The following CHCHD3 variants were observed in gnomAD, a reference collection of about 807,000 sequenced individuals.
CHCHD3 encodes MICOS complex subunit MIC19.
Under a neutral mutation model 38.2 loss-of-function variants are expected in CHCHD3, and 20 were observed. The observed-to-expected ratio is 0.52, with a 90% CI of 0.37 to 0.76. CHCHD3 has a LOEUF of 0.76. Ranked by LOEUF, CHCHD3 falls within the 30% of genes least tolerant of loss-of-function variation. CHCHD3 has a pLI of 0.00. For missense variants in CHCHD3, 245 were observed against 279.2 expected, an observed-to-expected ratio of 0.88 and a Z score of 0.87; for synonymous variants, 82 against 100.0, an observed-to-expected ratio of 0.82 and a Z score of 1.07.
At chr7:132,896,191 A>G (rs1479443986) in intron 4 of CHCHD3, among the ~76,000 whole-genome samples, 1 of 152,218 alleles carries the variant, frequency 6.6e-6, no homozygotes. Flanking sequence ...AATATATAAA[A>G]TATGTACAAA....
intron 3 of CHCHD3, among the ~76,000 whole-genome samples, chr7:132,985,793 C>A: frequency 9.8e-6 from 1 of 102,556 alleles, no homozygotes; most frequent in Non-Finnish European, 2.1e-5. Flanking sequence ...GGGGTCAGCC[C>A]CCCGCCCGGC....
chr7:133,026,574 G>T (rs556158284), intron 2 of CHCHD3, among the ~76,000 whole-genome samples: 1 of 152,154 alleles, frequency 6.6e-6, no homozygotes, highest in African/African-American at 2.4e-5. Context: ...ACTCATACAT[G>T]AGTATTTACA....
intron 2 of CHCHD3, among the ~76,000 whole-genome samples, chr7:133,065,832 T>C (rs551637866): frequency 8.5e-5 from 13 of 152,358 alleles, no homozygotes; most frequent in African/African-American, 3.1e-4. Context: ...CATAGTTGAA[T>C]TGCATTCTTA....
At chr7:132,815,671 ATGAAAAT>A (rs1330429160) in intron 6 of CHCHD3, 1 of 449,302 alleles carries the variant, frequency 2.2e-6, no homozygotes, top group South Asian at 1.6e-5. Context: ...GAGAAAAGAT[ATGAAAAT>A]TGCATTATAC....
intron 4 of CHCHD3, among the ~76,000 whole-genome samples, chr7:132,961,690 AGAAC>A (rs1811325607): frequency 6.6e-6 from 1 of 152,232 alleles, no homozygotes; most frequent in Non-Finnish European, 1.5e-5. Flanking sequence ...AAAATACTGT[AGAAC>A]TATAGTTACA....
chr7:132,805,944 C>T (rs920851559), intron 6 of CHCHD3, among the ~76,000 whole-genome samples: 11 of 152,318 alleles, frequency 7.2e-5, no homozygotes, highest in Admixed American at 3.9e-4. Flanking sequence ...CTCCTCACCA[C>T]GATCTAAAGC....
At chr7:132,902,331 G>A (rs1809689935) in intron 4 of CHCHD3, among the ~76,000 whole-genome samples, 1 of 152,160 alleles carries the variant, frequency 6.6e-6, no homozygotes, top group African/African-American at 2.4e-5. Flanking sequence ...TATACCCAAA[G>A]GATTATAAGT....
intron 6 of CHCHD3, among the ~76,000 whole-genome samples, chr7:132,834,610 T>G (rs1807731024): frequency 6.6e-6 from 1 of 152,178 alleles, no homozygotes; most frequent in Non-Finnish European, 1.5e-5. Flanking sequence ...CAGAACTCAC[T>G]GTAAGCTGTT....
chr7:132,970,523 G>A (rs1811587520), intron 4 of CHCHD3, among the ~76,000 whole-genome samples: 1 of 152,216 alleles, frequency 6.6e-6, no homozygotes. Context: ...ATCCTCACAA[G>A]ACTATAAGTA....
chr7:132,807,320 G>A (rs1806948314), intron 6 of CHCHD3, among the ~76,000 whole-genome samples: 1 of 152,086 alleles, frequency 6.6e-6, no homozygotes, highest in African/African-American at 2.4e-5. Flanking sequence ...TTCCACTACA[G>A]CATCTAATTT....
intron 3 of CHCHD3, among the ~76,000 whole-genome samples, chr7:132,991,744 T>TA (rs1199312560): frequency 6.6e-6 from 1 of 152,100 alleles, no homozygotes; most frequent in Admixed American, 6.6e-5. Flanking sequence ...ATAAAACTCT[T>TA]AGTTTTTTTT....
intron 5 of CHCHD3, among the ~76,000 whole-genome samples, chr7:132,882,107 G>A (rs1451961251): frequency 6.6e-6 from 1 of 152,120 alleles, no homozygotes; most frequent in Non-Finnish European, 1.5e-5. Flanking sequence ...GGCAACAGCT[G>A]ATATTTGTTA....
chr7:132,833,090 T>C (rs1807689740), intron 6 of CHCHD3, among the ~76,000 whole-genome samples: 2 of 152,332 alleles, frequency 1.3e-5, no homozygotes, highest in Middle Eastern at 3.4e-3. Flanking sequence ...ACATGTAACA[T>C]TATTAAAATA....
chr7:132,969,275 A>C (rs1811552330), intron 4 of CHCHD3, among the ~76,000 whole-genome samples: 1 of 152,036 alleles, frequency 6.6e-6, no homozygotes, highest in Non-Finnish European at 1.5e-5. Context: ...TTAACTTCAG[A>C]CTCTGAAGAA....
At chr7:132,791,679 AG>A (rs1806464025) in intron 7 of CHCHD3, among the ~76,000 whole-genome samples, 1 of 152,230 alleles carries the variant, frequency 6.6e-6, no homozygotes, top group African/African-American at 2.4e-5. Flanking sequence ...ATTGTCCTTC[AG>A]AAGGCGGACA....
intron 4 of CHCHD3, among the ~76,000 whole-genome samples, chr7:132,940,566 T>C (rs1326644173): frequency 1.3e-5 from 2 of 152,184 alleles, no homozygotes; most frequent in Non-Finnish European, 2.9e-5. Flanking sequence ...ATGGCCGTCC[T>C]TAGGAATATT....
At chr7:132,927,799 T>C (rs1039842411) in intron 4 of CHCHD3, among the ~76,000 whole-genome samples, 13 of 152,160 alleles carry the variant, frequency 8.5e-5, no homozygotes, top group Admixed American at 8.5e-4. Context: ...AAACTAACCT[T>C]ACAGAAAACA....
chr7:133,016,855 G>C (rs1388409731), intron 3 of CHCHD3, among the ~76,000 whole-genome samples: 1 of 152,210 alleles, frequency 6.6e-6, no homozygotes, highest in African/African-American at 2.4e-5. Context: ...CTAAGAAACA[G>C]CCAGGGCTAG....
intron 4 of CHCHD3, among the ~76,000 whole-genome samples, chr7:132,911,269 T>TAGCCATG (rs1809941755): frequency 6.6e-6 from 1 of 152,090 alleles, no homozygotes; most frequent in Non-Finnish European, 1.5e-5. Flanking sequence ...GTCAAGGAAG[T>TAGCCATG]AGCCATGAGA....
Sources: allele counts gnomAD v4.1 joint callset (sites outside exome capture counted in the v4.1 genomes callset), GRCh38; gene constraint gnomAD v4.1.1; transcripts MANE v1.5; gene names NCBI Gene and HGNC (gene_info 2026-07-23, HGNC 2026-07-21).